The following PCDHAC2 variants were observed in gnomAD, a reference collection of about 807,000 sequenced individuals.
The protein encoded by PCDHAC2 is protocadherin alpha-C2.
Under a neutral mutation model 63.3 loss-of-function variants are expected in PCDHAC2, and 24 were observed. The observed-to-expected ratio is 0.38, with a 90% confidence interval of 0.27 to 0.53. The LOEUF (loss-of-function observed/expected upper bound fraction) is 0.53. PCDHAC2 is among the 20% of genes least tolerant of loss of function. The pLI is 0.81. For synonymous variants in PCDHAC2, 569 were observed against 529.4 expected (o/e 1.07, Z -1.03); for missense variants, 1,181 against 1,275.2 (o/e 0.93, Z 1.12).
rs370676797 is a variant in PCDHAC2, at chr5:141,009,968, A to G, written c.*31A>G. On this transcript the variant is annotated 3_prime_UTR_variant, in exon 4 of 4. Transcript: ENST00000289269. ...TCAAATGGAAACAAGCCACTTAGCC[A>G]GTTTTTGTAATAATGGCAAATCTCT... 1.4e-5 allele frequency: 22 copies of G among 1,586,626 alleles called. No homozygotes were observed. The highest frequency in any genetic ancestry group is 1.6e-5 in the Non-Finnish European group (19 of 1,169,786).
intron 3 of PCDHAC2, among the ~76,000 whole-genome samples, chr5:140,989,670 C>G (rs907417768): frequency 6.6e-6 from 1 of 152,104 alleles, no homozygotes. Flanking sequence ...GAAACTCTGC[C>G]CAGATTTCAA....
chr5:140,989,939 C>T (rs533490284), intron 3 of PCDHAC2, among the ~76,000 whole-genome samples: 2 of 152,004 alleles, frequency 1.3e-5, no homozygotes, highest in South Asian at 2.1e-4. Flanking sequence ...TGACATTCCA[C>T]GTTTTTCTCG....
At chr5:140,989,810 AT>A (rs2097361628) in intron 3 of PCDHAC2, among the ~76,000 whole-genome samples, 1 of 152,192 alleles carries the variant, frequency 6.6e-6, no homozygotes, top group Non-Finnish European at 1.5e-5. Context: ...GGGCCATAAG[AT>A]TGGTCACTGC....
intron 1 of PCDHAC2, among the ~76,000 whole-genome samples, chr5:140,972,225 G>A (rs959858462): frequency 3.3e-5 from 5 of 151,474 alleles, no homozygotes; most frequent in Admixed American, 2.0e-4. Context: ...CTGCAGCCTC[G>A]ACCTTCTGGG....
chr5:141,000,292 T>C (rs2097899521), intron 3 of PCDHAC2, among the ~76,000 whole-genome samples: 1 of 149,730 alleles, frequency 6.7e-6, no homozygotes, highest in Non-Finnish European at 1.5e-5. Flanking sequence ...GGAATATTGC[T>C]TGAGGCCAGG....
At chr5:141,001,314 T>A (rs34374778) in intron 3 of PCDHAC2, among the ~76,000 whole-genome samples, 7,675 of 152,288 alleles carry the variant, frequency 0.05, 243 homozygotes, top group South Asian at 0.11. Flanking sequence ...TGAAATAATT[T>A]GCCAAACATC....
chr5:141,004,528 C>T (rs2098169666), intron 3 of PCDHAC2, among the ~76,000 whole-genome samples: 1 of 152,230 alleles, frequency 6.6e-6, no homozygotes, highest in Non-Finnish European at 1.5e-5. Flanking sequence ...CCAATACACA[C>T]AGCCATTAAT....
At chr5:140,998,054 A>G (rs562918919) in intron 3 of PCDHAC2, among the ~76,000 whole-genome samples, 37 of 152,304 alleles carry the variant, frequency 2.4e-4, no homozygotes, top group African/African-American at 8.9e-4. Flanking sequence ...CAGTGACATC[A>G]TCATCAACAG....
In PCDHAC2 at chr5:140,988,105, A is replaced by C. The variant is rs2097283158; in HGVS notation, c.2713+5542A>C. On this transcript the variant is annotated intron_variant, in intron 3 of 3. Transcript: ENST00000289269. ...TGAGTGCAGCCTCGGGCCTTGTTGGAGAATTTAGAAAGCATGCTGTTCCAC... is the reference window on the plus strand; with the variant it reads ...TGAGTGCAGCCTCGGGCCTTGTTGGCGAATTTAGAAAGCATGCTGTTCCAC... Among the ~76,000 whole-genome samples the C allele has an allele frequency of 2.6e-5, 4 of 152,138 alleles. No individual in the cohort carries two copies. In the South Asian group the frequency reaches 8.3e-4, roughly 32 times the overall value.
chr5:140,982,507 G>C lies in PCDHAC2; in HGVS notation c.2657G>C (p.Arg886Pro). 6.2e-7 allele frequency: 1 copy of C among 1,614,138 alleles called. No homozygotes were observed. ...CACCTAGAGGAGGCTGGCATTCTAC[G>C]GGCTGGTCCAGGAGGGCCTGATCAG... ...SVHLEEAGIL[R>P]AGPGGPDQQW... is the part of the protein sequence containing the mutation. The change falls in exon 3 of 4, where the codon CGG becomes CCG. Residue 886 changes from arginine to proline, a missense_variant. This residue lies in a region of PCDHAC2 where 968 missense variants were observed against 1,073.5 expected (regional missense o/e 0.90). Coordinates refer to ENST00000289269, the MANE Select transcript of PCDHAC2 (RefSeq NM_018899.6).
At position 140,978,795 on chromosome 5, in the gene PCDHAC2, G is replaced by A. The variant is rs1437973642; in HGVS notation, c.2566-154G>A. 3 of 979,120 alleles carry A rather than the reference G, an allele frequency of 3.1e-6. No individual in the cohort carries two copies. The African/African-American group carries it at 5.3e-5, about 17-fold the overall frequency. The allele number at this position is 979,120 out of a possible 1,614,324, so 60.7% of individuals were successfully genotyped here. On this transcript the variant is annotated intron_variant, in intron 1 of 3. Coordinates refer to ENST00000289269, the MANE Select transcript of PCDHAC2 (RefSeq NM_018899.6). ...AATTTTCTTCTAAAGTGCTATATAT[G>A]TAGATATCATCATAGAGTTACACAT...
chr5:141,010,226 C>T lies in PCDHAC2; in HGVS notation c.*289C>T, dbSNP rs1386050566. ...CGCCGCAAAGGAGAGGCTTCCCAGC[C>T]CCGCCAGTGAGAGGTTGGACTCTCT... On this transcript the variant is annotated 3_prime_UTR_variant, in exon 4 of 4. Transcript: ENST00000289269. 6.4e-7 allele frequency: 1 copy of T among 1,551,824 alleles called. No homozygotes were observed. Among genetic ancestry groups the T allele is most frequent in the Admixed American group, 2.0e-5 (1 of 51,014 alleles).
chr5:140,968,267 A>G lies in PCDHAC2; in HGVS notation c.1501A>G (p.Asn501Asp). 1 of 1,613,984 alleles carries G rather than the reference A, an allele frequency of 6.2e-7. No homozygotes were observed. The highest frequency in any genetic ancestry group is 8.5e-7 in the Non-Finnish European group (1 of 1,179,922). ...AGCCACAGACCCAGATGAAAAGGAGAATGCAGAGGTGACCTACTCCCTTCT... is the reference window on the plus strand; with the variant it reads ...AGCCACAGACCCAGATGAAAAGGAGGATGCAGAGGTGACCTACTCCCTTCT... ...VQATDPDEKE[N>D]AEVTYSLLER... is the part of the protein sequence containing the mutation. Residue 501 changes from asparagine (N) to aspartate (D), a missense_variant, in exon 1 of 4, where the codon AAT becomes GAT. Physicochemically the swap from Asn to Asp is conservative, Grantham distance 23. Coordinates refer to ENST00000289269, the MANE Select transcript of PCDHAC2 (RefSeq NM_018899.6).
At chr5:140,997,670 G>A (rs1587757819) in intron 3 of PCDHAC2, among the ~76,000 whole-genome samples, 1 of 79,680 alleles carries the variant, frequency 1.3e-5, no homozygotes, top group Non-Finnish European at 2.9e-5. Flanking sequence ...TATACAGCTT[G>A]TGTGTGTGTG....
intron 3 of PCDHAC2, among the ~76,000 whole-genome samples, chr5:140,983,987 C>T (rs1372272659): frequency 6.6e-6 from 1 of 152,126 alleles, no homozygotes; most frequent in East Asian, 1.9e-4. Context: ...CGAGTTGAAG[C>T]AATTCATTAG....
rs1554262551 is a variant in PCDHAC2, at chr5:141,009,910, C to T, written c.2997C>T (p.Asn999=). 1 of 1,612,616 alleles carries T rather than the reference C, an allele frequency of 6.2e-7. No individual in the cohort carries two copies. Among genetic ancestry groups the T allele is most frequent in the Middle Eastern group, 1.7e-4 (1 of 6,048 alleles). Residue 999 remains asparagine (N), a synonymous_variant, in exon 4 of 4, where the codon AAC becomes AAT. Transcript: ENST00000289269. ...NKTQEKKEKG[N]STTDNSDQ Reference sequence around the variant, plus strand: ...CCCAGGAGAAAAAAGAGAAAGGGAACAGCACGACTGACAACAGTGACCAGT... The same window carrying T: ...CCCAGGAGAAAAAAGAGAAAGGGAATAGCACGACTGACAACAGTGACCAGT...
At chr5:140,993,358 A>G (rs1197499617) in intron 3 of PCDHAC2, among the ~76,000 whole-genome samples, 7 of 151,988 alleles carry the variant, frequency 4.6e-5, no homozygotes, top group Admixed American at 4.6e-4. Context: ...AGATCCTCAC[A>G]AAAACTACCT....
chr5:140,995,709 G>C (rs1279829164), intron 3 of PCDHAC2, among the ~76,000 whole-genome samples: 6 of 152,162 alleles, frequency 3.9e-5, no homozygotes, highest in African/African-American at 1.4e-4. Flanking sequence ...GCTGGGCTTG[G>C]AAATGTTCTT....
At position 141,010,449 on chromosome 5, in the gene PCDHAC2, C is replaced by T. The variant is rs764975082; in HGVS notation, c.*512C>T. ...CAAGAAAACAAAGACAAATAAACAG[C>T]GGAAGTTATCAGTATGGAGGGGAAG... On this transcript the variant is annotated 3_prime_UTR_variant, in exon 4 of 4. Coordinates refer to ENST00000289269, the MANE Select transcript of PCDHAC2 (RefSeq NM_018899.6). 14 of 915,348 alleles carry T rather than the reference C, an allele frequency of 1.5e-5. No homozygotes were observed. Among genetic ancestry groups the T allele is most frequent in the Non-Finnish European group, 2.1e-5 (13 of 631,774 alleles). 56.7% of individuals were successfully genotyped at this position (915,348 alleles called of 1,614,324 possible).
Sources: allele counts gnomAD v4.1 joint callset (sites outside exome capture counted in the v4.1 genomes callset), GRCh38; gene constraint gnomAD v4.1.1; regional missense constraint gnomAD v4.1.1; transcripts MANE v1.5; gene names NCBI Gene and HGNC (gene_info 2026-07-23, HGNC 2026-07-21).